TMEM255A: variants seen among roughly 807,000 people sequenced by gnomAD.
The protein encoded by TMEM255A is transmembrane protein 255A.
A neutral mutation model predicts 23.5 loss-of-function variants in TMEM255A; 14 were observed. The observed-to-expected ratio is 0.60, with a 90% confidence interval of 0.39 to 0.93. The LOEUF (loss-of-function observed/expected upper bound fraction) is 0.93, where lower values mean the gene tolerates loss of function less well. TMEM255A is among the 40% of genes least tolerant of loss of function. The pLI is 0.00. For synonymous variants in TMEM255A, 104 were observed against 100.3 expected, an observed-to-expected ratio of 1.04 and a Z score of -0.22; for missense variants, 233 against 261.7, an observed-to-expected ratio of 0.89 and a Z score of 0.76.
intron 3 of TMEM255A, among the ~76,000 whole-genome samples, chrX:120,292,079 A>G (rs925820536): frequency 2.7e-5 from 3 of 111,379 alleles, no homozygotes; most frequent in African/African-American, 9.8e-5. Flanking sequence ...TGAGAACAGC[A>G]ATCCTCCTGC....
intron 2 of TMEM255A, among the ~76,000 whole-genome samples, chrX:120,299,566 C>T (rs1235865507): frequency 9.0e-6 from 1 of 111,395 alleles, no homozygotes; most frequent in East Asian, 2.8e-4. Context: ...CTTCCTGCCT[C>T]GGCCTCCCAA....
At chrX:120,305,023 T>G in intron 1 of TMEM255A, among the ~76,000 whole-genome samples, 1 of 111,877 alleles carries the variant, frequency 8.9e-6, no homozygotes, top group Non-Finnish European at 1.9e-5. Context: ...TGCCACCTCA[T>G]GTATAAACTT....
chrX:120,303,951 G>A (rs1251691350), intron 2 of TMEM255A, among the ~76,000 whole-genome samples: 1 of 111,329 alleles, frequency 9.0e-6, no homozygotes, highest in African/African-American at 3.3e-5. Flanking sequence ...CAGTGCTGTT[G>A]GTCAGAGTGT....
At chrX:120,296,885 T>A (rs1419479718) in intron 2 of TMEM255A, among the ~76,000 whole-genome samples, 1 of 5,238 alleles carries the variant, frequency 1.9e-4, no homozygotes, top group Admixed American at 5.8e-3. Flanking sequence ...TCATATATAT[T>A]ATATATGATA....
Position 120,273,359 on chromosome X carries a change from C to T in TMEM255A, c.675+3526G>A. On this transcript the variant is annotated intron_variant, in intron 7 of 8. Coordinates refer to ENST00000371369, the MANE Select transcript of TMEM255A (RefSeq NM_001104544.3). The stretch of plus-strand genomic sequence containing the variant: ...TCAAATTGGTGATGTTTTCATTAGC[C>T]ATTCTCAAGATGAAACACAAGAAAT... 9.2e-6 allele frequency: 3 copies of T among 326,762 alleles called. No individual in the cohort carries two copies. In the South Asian group the frequency reaches 1.3e-4, roughly 14 times the overall value. The allele number at this position is 326,762 out of a possible 1,213,427, so 26.9% of individuals were successfully genotyped here. A position where few individuals can be genotyped will look rare whatever the true frequency, so the allele number is the denominator to read the frequency against.
intron 6 of TMEM255A, among the ~76,000 whole-genome samples, chrX:120,278,795 A>G (rs1455882020): frequency 8.9e-6 from 1 of 112,621 alleles, no homozygotes; most frequent in Admixed American, 9.3e-5. Context: ...TAAACTTTAC[A>G]GATGAATTTA....
chrX:120,280,056 G>A (rs1417872300), intron 6 of TMEM255A, among the ~76,000 whole-genome samples: 1 of 81,926 alleles, frequency 1.2e-5, no homozygotes, highest in Non-Finnish European at 2.2e-5. Context: ...AGGCTGGAGT[G>A]CAGTGGTATG....
downstream of TMEM255A, chrX:120,253,658 T>C (rs375614155): frequency 4.4e-5 from 53 of 1,210,763 alleles, no homozygotes; most frequent in African/African-American, 8.9e-4. Flanking sequence ...TTGCAGAAAT[T>C]CTCAATTATA....
chrX:120,271,463 G>C (rs1283001046), intron 7 of TMEM255A, among the ~76,000 whole-genome samples: 1 of 111,918 alleles, frequency 8.9e-6, no homozygotes, highest in East Asian at 2.8e-4. Context: ...TTTGCAGAGG[G>C]TTAGGGGCCA....
intron 7 of TMEM255A, among the ~76,000 whole-genome samples, chrX:120,270,796 C>A (rs1296936511): frequency 1.8e-5 from 2 of 110,735 alleles, no homozygotes; most frequent in Admixed American, 1.9e-4. Context: ...CATCAGCCAG[C>A]ACCCCCGGGC....
At chrX:120,309,532 C>T (rs781826048) in intron 1 of TMEM255A, among the ~76,000 whole-genome samples, 87 of 112,985 alleles carry the variant, frequency 7.7e-4, no homozygotes, top group African/African-American at 2.3e-3. Context: ...GGTTGTCGTC[C>T]GCAGCGGGAA....
Position 120,271,193 on chromosome X carries a change from C to G in TMEM255A, c.676-2806G>C, listed in dbSNP as rs6646643. On this transcript the variant is annotated intron_variant, in intron 7 of 8. Transcript: ENST00000371369. ...GCTTTTAATTTTTTAATTAAATCAA[C>G]TAAACAAAGGAGGTAATATATGTTA... 4.6e-3 allele frequency among the ~76,000 whole-genome samples: 520 copies of G among 112,195 alleles called. 3 individuals carry two copies. The highest frequency in any genetic ancestry group is 0.016 in the African/African-American group (491 of 30,925).
intron 6 of TMEM255A, among the ~76,000 whole-genome samples, chrX:120,283,608 G>T (rs1175781580): frequency 9.0e-6 from 1 of 111,469 alleles, no homozygotes; most frequent in Non-Finnish European, 1.9e-5. Context: ...GGAAATACGT[G>T]CATGACGAAC....
chrX:120,273,787 T>C (rs987707646), intron 7 of TMEM255A, among the ~76,000 whole-genome samples: 104 of 111,909 alleles, frequency 9.3e-4, no homozygotes, highest in Non-Finnish European at 7.5e-4. Context: ...GTGGAGAAAT[T>C]GGAACCCTCA....
At position 120,300,554 on chromosome X, in the gene TMEM255A, ATTTT is replaced by A. The variant is rs368966488; in HGVS notation, c.201+3791_201+3794del. Among the ~76,000 whole-genome samples the A allele has an allele frequency of 5.8e-3, 432 of 74,190 alleles. 5 individuals are homozygous for A. Among genetic ancestry groups the A allele is most frequent in the African/African-American group, 0.024 (407 of 16,861 alleles). The allele number at this position is 74,190 out of a possible 115,157, so 64.4% of individuals were successfully genotyped here. On this transcript the variant is annotated intron_variant, in intron 2 of 8. Coordinates refer to ENST00000371369, the MANE Select transcript of TMEM255A (RefSeq NM_001104544.3). The stretch of plus-strand genomic sequence containing the variant: ...AGGCTCATGCCACAGGGCCAGGCTA[ATTTT>A]TTTTTTTTTTTTTTTTTGTAGAGAT...
chrX:120,304,190 C>T (rs782362837), intron 2 of TMEM255A, among the ~76,000 whole-genome samples, 159 bp downstream of exon 2: 4 of 112,087 alleles, frequency 3.6e-5, no homozygotes, highest in South Asian at 3.7e-4. Flanking sequence ...CTCTTCTTAG[C>T]GGGCCCAGAG....
At chrX:120,270,279 G>A (rs1356866129) in intron 7 of TMEM255A, among the ~76,000 whole-genome samples, 7 of 109,060 alleles carry the variant, frequency 6.4e-5, no homozygotes, top group South Asian at 7.8e-4. Context: ...TTGTGTGCAC[G>A]TATAGGAGTG....
At chrX:120,253,772 A>G (rs782441471), downstream of TMEM255A, 4 of 1,209,890 alleles carry the variant, frequency 3.3e-6, no homozygotes, top group Non-Finnish European at 4.5e-6. Flanking sequence ...TTGGTGTCCC[A>G]TTGTCACAGG....
At chrX:120,310,548 C>CT (rs1342629856) in intron 1 of TMEM255A, among the ~76,000 whole-genome samples, 1 of 112,214 alleles carries the variant, frequency 8.9e-6, no homozygotes, top group African/African-American at 3.2e-5. Flanking sequence ...CCCTGACTCC[C>CT]TTTTCACACT....
Sources: gnomAD v4.1 joint callset for allele counts (sites outside exome capture counted in the v4.1 genomes callset) on GRCh38, gnomAD v4.1.1 for gene constraint, MANE v1.5 for transcripts, NCBI Gene and HGNC (gene_info 2026-07-23, HGNC 2026-07-21) for gene names.